The following PGCKA1 variants were observed in gnomAD, a reference collection of about 807,000 sequenced individuals.
The protein encoded by PGCKA1 is PDCD10 and GCKIII kinases-associated protein 1.
At chr4:37,484,418 C>T in the PGCKA1 span, among the ~76,000 whole-genome samples, 2 of 152,154 alleles carry the variant, frequency 1.3e-5, no homozygotes, top group East Asian at 1.9e-4. Context: ...GATTCAATTA[C>T]CTCCCACGGG....
the PGCKA1 span, among the ~76,000 whole-genome samples, chr4:37,509,207 G>A: frequency 0.46 from 58,189 of 127,756 alleles, 13,599 homozygotes; most frequent in African/African-American, 0.52. Flanking sequence ...CCTCCCAGAC[G>A]GGGTGGCGGC....
At chr4:37,496,249 G>T in the PGCKA1 span, among the ~76,000 whole-genome samples, 1 of 152,098 alleles carries the variant, frequency 6.6e-6, no homozygotes, top group Non-Finnish European at 1.5e-5. Flanking sequence ...TTATAGTTTT[G>T]AGTTTTACAT....
the PGCKA1 span, among the ~76,000 whole-genome samples, chr4:37,533,059 T>TTTG: frequency 1.1e-5 from 1 of 88,464 alleles, no homozygotes; most frequent in African/African-American, 3.5e-5. Flanking sequence ...ACAAATCATC[T>TTTG]GGTATGTAAC....
chr4:37,460,104 G>C, the PGCKA1 span, among the ~76,000 whole-genome samples: 2 of 152,048 alleles, frequency 1.3e-5, no homozygotes, highest in Admixed American at 1.3e-4. Flanking sequence ...TTCTGCTCCT[G>C]TGTTAGTTTG....
At chr4:37,461,335 T>C in the PGCKA1 span, among the ~76,000 whole-genome samples, 2 of 152,054 alleles carry the variant, frequency 1.3e-5, no homozygotes, top group Non-Finnish European at 2.9e-5. Flanking sequence ...TAAATTAGCT[T>C]TTTTTCTAAT....
chr4:37,460,631 T>C, the PGCKA1 span: 1 of 447,502 alleles, frequency 2.2e-6, no homozygotes, highest in African/African-American at 2.0e-5. Flanking sequence ...ATAAATCTCC[T>C]CTTTTGAGAA....
At chr4:37,464,150 C>G in the PGCKA1 span, among the ~76,000 whole-genome samples, 1 of 152,178 alleles carries the variant, frequency 6.6e-6, no homozygotes. Flanking sequence ...TGGAAAGAAA[C>G]TGGGTGTGGG....
At chr4:37,547,587 G>A in the PGCKA1 span, among the ~76,000 whole-genome samples, 1,252 of 152,242 alleles carry the variant, frequency 8.2e-3, 27 homozygotes, top group African/African-American at 0.029. Flanking sequence ...GCCACCAGAA[G>A]GAAGCCTGGA....
chr4:37,478,037 G>T, the PGCKA1 span, among the ~76,000 whole-genome samples: 1 of 151,966 alleles, frequency 6.6e-6, no homozygotes, highest in African/African-American at 2.4e-5. Context: ...TCTCTAAATT[G>T]ATCACTTGGA....
the PGCKA1 span, among the ~76,000 whole-genome samples, chr4:37,584,038 C>G: frequency 6.6e-6 from 1 of 152,156 alleles, no homozygotes; most frequent in Non-Finnish European, 1.5e-5. Flanking sequence ...ATGCTAGACC[C>G]GGAGCATTTC....
the PGCKA1 span, among the ~76,000 whole-genome samples, chr4:37,531,988 A>G: frequency 6.6e-6 from 1 of 151,906 alleles, no homozygotes; most frequent in Non-Finnish European, 1.5e-5. Context: ...GAGGTAATTG[A>G]CATCTATTAT....
At chr4:37,567,797 T>C in the PGCKA1 span, among the ~76,000 whole-genome samples, 1 of 152,122 alleles carries the variant, frequency 6.6e-6, no homozygotes, top group African/African-American at 2.4e-5. Flanking sequence ...GTCAGCGATG[T>C]TGCACACAGC....
the PGCKA1 span, among the ~76,000 whole-genome samples, chr4:37,536,769 G>T: frequency 2.7e-3 from 408 of 152,308 alleles, 8 homozygotes; most frequent in East Asian, 0.058. Flanking sequence ...AAATGAATGG[G>T]CCTAGTTGTG....
At chr4:37,517,275 A>T in the PGCKA1 span, among the ~76,000 whole-genome samples, 1 of 143,758 alleles carries the variant, frequency 7.0e-6, no homozygotes, top group African/African-American at 2.7e-5. Context: ...ATATAAATAT[A>T]TATATAAATA....
At chr4:37,573,795 G>A in the PGCKA1 span, among the ~76,000 whole-genome samples, 1 of 152,192 alleles carries the variant, frequency 6.6e-6, no homozygotes, top group Admixed American at 6.5e-5. Flanking sequence ...AGTTTCCACT[G>A]TTAATACAGA....
chr4:37,462,907 T>A, the PGCKA1 span, among the ~76,000 whole-genome samples: 2 of 139,592 alleles, frequency 1.4e-5, no homozygotes, highest in African/African-American at 2.7e-5. Flanking sequence ...GAGGCAGGGG[T>A]ATGGCATGAA....
chr4:37,577,354 T>C, the PGCKA1 span, among the ~76,000 whole-genome samples: 4 of 152,188 alleles, frequency 2.6e-5, no homozygotes, highest in Non-Finnish European at 5.9e-5. Context: ...TTCCAGTTTA[T>C]TGACATATAA....
chr4:37,547,082 T>G, the PGCKA1 span, among the ~76,000 whole-genome samples: 1 of 152,224 alleles, frequency 6.6e-6, no homozygotes, highest in East Asian at 1.9e-4. Flanking sequence ...TCCATTTGAG[T>G]GGTAGTGTGG....
the PGCKA1 span, among the ~76,000 whole-genome samples, chr4:37,527,693 G>A: frequency 6.6e-6 from 1 of 151,772 alleles, no homozygotes; most frequent in Non-Finnish European, 1.5e-5. Flanking sequence ...AACTGGGCGT[G>A]GTGGCGGGCG....
Sources: allele counts gnomAD v4.1 joint callset (sites outside exome capture counted in the v4.1 genomes callset), GRCh38; gene constraint gnomAD v4.1.1; transcripts MANE v1.5; gene names NCBI Gene and HGNC (gene_info 2026-07-23, HGNC 2026-07-21).